The following AP3B1 variants were observed in gnomAD, a reference collection of about 807,000 sequenced individuals.
AP3B1 encodes AP-3 complex subunit beta-1.
Under a neutral mutation model 132.5 loss-of-function variants are expected in AP3B1, and 61 were observed. That is an observed-to-expected ratio of 0.46 (90% CI 0.37 to 0.57). The LOEUF (loss-of-function observed/expected upper bound fraction) is 0.57, where lower values mean the gene tolerates loss of function less well. Ranked by LOEUF, AP3B1 falls within the 20% of genes least tolerant of loss-of-function variation. AP3B1 has a pLI of 0.00. For synonymous variants in AP3B1, 388 were observed against 438.3 expected, an observed-to-expected ratio of 0.89 and a Z score of 1.43; for missense variants, 1,120 against 1,289.4, an observed-to-expected ratio of 0.87 and a Z score of 2.01.
intron 7 of AP3B1, among the ~76,000 whole-genome samples, chr5:78,188,587 G>T (rs1744698969): frequency 1.3e-5 from 2 of 152,050 alleles, no homozygotes; most frequent in Non-Finnish European, 2.9e-5. Context: ...ACAGACGCTG[G>T]CCAGGCTGCG....
At chr5:78,053,733 C>A (rs966162434) in intron 22 of AP3B1, among the ~76,000 whole-genome samples, 1 of 148,338 alleles carries the variant, frequency 6.7e-6, no homozygotes, top group Admixed American at 6.7e-5. Flanking sequence ...GTAACCATAA[C>A]AATTTGGTGT....
chr5:78,267,205 A>G (rs981793575), intron 2 of AP3B1, among the ~76,000 whole-genome samples: 8 of 152,078 alleles, frequency 5.3e-5, no homozygotes, highest in Admixed American at 5.2e-4. Flanking sequence ...TAGGAAGTCA[A>G]AATAGCTTGT....
intron 22 of AP3B1, among the ~76,000 whole-genome samples, chr5:78,069,728 C>T (rs749281164): frequency 6.6e-6 from 1 of 152,116 alleles, no homozygotes; most frequent in Non-Finnish European, 1.5e-5. Context: ...CATTGACATT[C>T]TTCACAAAAT....
Position 78,223,502 on chromosome 5 carries a change from CA to C in AP3B1, c.603+2039del, listed in dbSNP as rs1746276572. Among the ~76,000 whole-genome samples the C allele has an allele frequency of 4.4e-5, 3 of 67,592 alleles. No individual in the cohort carries two copies. In the South Asian group the frequency reaches 1.2e-3, roughly 27 times the overall value. The allele number at this position is 67,592 out of a possible 152,430, so 44.3% of individuals were successfully genotyped here. A position where few individuals can be genotyped will look rare whatever the true frequency, so the allele number is the denominator to read the frequency against. On this transcript the variant is annotated intron_variant, in intron 6 of 26. Coordinates refer to ENST00000255194, the MANE Select transcript of AP3B1 (RefSeq NM_003664.5). Reference sequence around the variant, plus strand: ...CCAAGAATGTAACAAATTAATTCAACAGTCATTCAACAAATATTAAATACCT... The same window carrying C: ...CCAAGAATGTAACAAATTAATTCAACGTCATTCAACAAATATTAAATACCT...
intron 14 of AP3B1, among the ~76,000 whole-genome samples, chr5:78,143,018 G>T (rs1190317786): frequency 6.6e-6 from 1 of 152,094 alleles, no homozygotes; most frequent in Non-Finnish European, 1.5e-5. Context: ...CAAGTTGCCT[G>T]CCATAATGAA....
chr5:78,168,491 T>G (rs990260972), intron 11 of AP3B1, among the ~76,000 whole-genome samples: 2 of 152,094 alleles, frequency 1.3e-5, no homozygotes, highest in African/African-American at 4.8e-5. Context: ...CCCAAAGTCC[T>G]AGGATTATAG....
At position 78,192,413 on chromosome 5, in the gene AP3B1, G is replaced by A. The variant is rs140931381; in HGVS notation, c.787-10751C>T. Among the ~76,000 whole-genome samples the A allele has an allele frequency of 1.0e-3, 155 of 151,776 alleles. 1 individual carries two copies. The East Asian group carries it at 0.023, about 22-fold the overall frequency. On this transcript the variant is annotated intron_variant, in intron 7 of 26. Coordinates refer to ENST00000255194, the MANE Select transcript of AP3B1 (RefSeq NM_003664.5). Reference sequence around the variant, plus strand: ...ATCCCAGCACTTTGGGAGCCAAGGCGAGTGGATCACCCGAGGTCAGGAGTT... The same window carrying A: ...ATCCCAGCACTTTGGGAGCCAAGGCAAGTGGATCACCCGAGGTCAGGAGTT...
At chr5:78,095,588 G>C (rs953783057) in intron 21 of AP3B1, among the ~76,000 whole-genome samples, 2 of 152,170 alleles carry the variant, frequency 1.3e-5, no homozygotes, top group African/African-American at 4.8e-5. Context: ...AAACCCTGAA[G>C]AGGGGTTTTC....
chr5:78,141,174 C>T lies in AP3B1; in HGVS notation c.1619G>A (p.Gly540Glu). Reference sequence around the variant, plus strand: ...GGAGTTGGTTAAATACAATTTTGCTCCCAGATTTAATATCTGCAGTTTTAC... The same window carrying T: ...GGAGTTGGTTAAATACAATTTTGCTTCCAGATTTAATATCTGCAGTTTTAC... ...DLVKLQILNL[G>E]AKLYLTNSKQ... The change falls in exon 15 of 27, where the codon GGA becomes GAA. Residue 540 changes from glycine (G) to glutamate (E), a missense_variant. Around this residue, in one of 3 missense-constraint regions of AP3B1, gnomAD observed 906 missense variants for 997.1 expected, o/e 0.91. Transcript: ENST00000255194. The T allele has an allele frequency of 5.6e-6, 9 of 1,613,676 alleles. No individual in the cohort carries two copies. The highest frequency in any genetic ancestry group is 7.6e-6 in the Non-Finnish European group (9 of 1,179,706).
chr5:78,123,204 G>A (rs1417655114), intron 17 of AP3B1, among the ~76,000 whole-genome samples: 3 of 152,150 alleles, frequency 2.0e-5, no homozygotes, highest in Admixed American at 6.5e-5. Flanking sequence ...ATTCAAGATG[G>A]ATTAAAGACT....
chr5:78,020,373 C>T (rs1042999877), intron 25 of AP3B1, among the ~76,000 whole-genome samples: 3 of 152,014 alleles, frequency 2.0e-5, no homozygotes, highest in Non-Finnish European at 2.9e-5. Context: ...GTAAAGTCCC[C>T]AATTCCTGGC....
chr5:78,078,587 T>G (rs976881398), intron 22 of AP3B1, among the ~76,000 whole-genome samples: 5 of 152,236 alleles, frequency 3.3e-5, no homozygotes, highest in African/African-American at 1.2e-4. Context: ...GCATCTCCTC[T>G]TCTTCCCTGT....
intron 17 of AP3B1, among the ~76,000 whole-genome samples, chr5:78,120,669 A>C (rs910443604): frequency 2.2e-4 from 34 of 152,198 alleles, no homozygotes; most frequent in African/African-American, 7.9e-4. Context: ...TGCACCCAAT[A>C]CAGGAGCACC....
In AP3B1 at chr5:78,116,240, T is replaced by C; in HGVS notation, c.1969-6A>G. On this transcript the variant is annotated splice_polypyrimidine_tract_variant and splice_region_variant and intron_variant, in intron 17 of 26. Transcript: ENST00000255194. ...GCTGGGGTCCATTCTTTTGCCTGTTTAAACAAATAAAGTAAATATAAATGA... is the reference window on the plus strand; with the variant it reads ...GCTGGGGTCCATTCTTTTGCCTGTTCAAACAAATAAAGTAAATATAAATGA... The C allele has an allele frequency of 2.5e-6, 4 of 1,599,744 alleles. No individual in the cohort carries two copies. The highest frequency in any genetic ancestry group is 3.4e-6 in the Non-Finnish European group (4 of 1,167,152).
At position 78,212,122 on chromosome 5, in the gene AP3B1, A is replaced by T. The variant is rs188541371; in HGVS notation, c.786+3933T>A. ...TGCCGAAACCCCATCTCTACTAAAA[A>T]TACAAAAGTTAGCTGGGTGTGGTGG... On this transcript the variant is annotated intron_variant, in intron 7 of 26. Transcript: ENST00000255194. 2.9e-3 allele frequency among the ~76,000 whole-genome samples: 438 copies of T among 152,290 alleles called. 3 individuals carry two copies. The highest frequency in any genetic ancestry group is 5.6e-3 in the Admixed American group (86 of 15,302).
chr5:78,175,792 G>T lies in AP3B1; in HGVS notation c.1087C>A (p.Gln363Lys). 11 of 1,612,190 alleles carry T rather than the reference G, an allele frequency of 6.8e-6. No individual in the cohort carries two copies. The highest frequency in any genetic ancestry group is 9.3e-6 in the Non-Finnish European group (11 of 1,178,988). Residue 363 changes from glutamine (Q) to lysine (K), a missense_variant, in exon 10 of 27, where the codon CAA (glutamine) becomes AAA (lysine). Around this residue, in one of 3 missense-constraint regions of AP3B1, gnomAD observed 906 missense variants for 997.1 expected, o/e 0.91. Transcript: ENST00000255194. ...VLQNIATMSIQRKGMFEPYLK... is the reference protein window; with the variant it reads ...VLQNIATMSIKRKGMFEPYLK... ...GTTCAGAACATACATACCTTTCTTT[G>T]AATTGACATAGTTGCTATATTTTGT... is the stretch of plus-strand genomic sequence containing the variant.
rs772616657 is a variant in AP3B1 at position 78,034,339 on chromosome 5, A to C, written c.2894+22T>G. The C allele has an allele frequency of 1.1e-5, 17 of 1,579,312 alleles. 1 individual carries two copies. In the South Asian group the frequency reaches 1.4e-4, roughly 13 times the overall value. ...CTATCCTTTACAGGTTATATAAAAA[A>C]TAGAAGAACAATTGAACTTACCACA... On this transcript the variant is annotated intron_variant, in intron 24 of 26. Transcript: ENST00000255194.
At chr5:78,009,434 G>A (rs1431185890) in intron 26 of AP3B1, among the ~76,000 whole-genome samples, 1 of 151,960 alleles carries the variant, frequency 6.6e-6, no homozygotes, top group Non-Finnish European at 1.5e-5. Context: ...TCTAGCCTGG[G>A]CAACAGAGTG....
rs147102391 is a variant in AP3B1, at chr5:78,139,617, T to C, written c.1650+1526A>G. Among the ~76,000 whole-genome samples, 159 of 152,262 alleles carry C rather than the reference T, an allele frequency of 1.0e-3. 1 individual carries two copies. Among genetic ancestry groups the C allele is most frequent in the African/African-American group, 3.7e-3 (155 of 41,548 alleles). ...AAAAGCTATAATAAGATAACTCATATCACGATTAGGGATGAAGATAATCCC... is the reference window on the plus strand; with the variant it reads ...AAAAGCTATAATAAGATAACTCATACCACGATTAGGGATGAAGATAATCCC... On this transcript the variant is annotated intron_variant, in intron 15 of 26. Transcript: ENST00000255194.
Sources: gnomAD v4.1 joint callset for allele counts (sites outside exome capture counted in the v4.1 genomes callset) on GRCh38, gnomAD v4.1.1 for gene constraint, gnomAD v4.1.1 regional missense constraint, MANE v1.5 for transcripts, NCBI Gene and HGNC (gene_info 2026-07-23, HGNC 2026-07-21) for gene names.